MROH9: variants seen among roughly 807,000 people sequenced by gnomAD.
The protein encoded by MROH9 is maestro heat-like repeat-containing protein family member 9.
MROH9 carries 92 observed loss-of-function variants against 98.2 expected under a neutral mutation model. The ratio of observed to expected loss-of-function variants is 0.94; its 90% CI spans 0.79 to 1.11. MROH9 has a LOEUF of 1.11. Among genes scored for constraint, MROH9 ranks in the 50% most tolerant of loss-of-function variants. The pLI is 0.00. For synonymous variants in MROH9, 397 were observed against 368.9 expected (o/e 1.08, Z -0.87); for missense variants, 1,057 against 1,014.8 (o/e 1.04, Z -0.57).
intron 9 of MROH9, 30 bp from the exon 10 acceptor site, chr1:170,986,531 T>C: frequency 6.2e-7 from 1 of 1,603,948 alleles, no homozygotes; most frequent in Admixed American, 1.7e-5. Flanking sequence ...GAGTAAGGCC[T>C]GAGGTCATGA....
intron 20 of MROH9, among the ~76,000 whole-genome samples, chr1:171,050,559 G>A (rs530388772): frequency 6.6e-6 from 1 of 152,196 alleles, no homozygotes; most frequent in South Asian, 2.1e-4. Context: ...GTCATTAGGA[G>A]TCTTCTGGAG....
intron 6 of MROH9, among the ~76,000 whole-genome samples, chr1:170,964,669 A>G (rs1230264512): frequency 6.6e-6 from 1 of 152,068 alleles, no homozygotes; most frequent in Non-Finnish European, 1.5e-5. Flanking sequence ...CCGGTAATGT[A>G]CTCTCTAACC....
chr1:170,945,626 G>A (rs769910039), intron 2 of MROH9, 45 bp downstream of exon 2: 4 of 1,556,534 alleles, frequency 2.6e-6, no homozygotes, highest in South Asian at 2.3e-5. Context: ...GTATTTTTGT[G>A]TATATGTGTG....
chr1:170,988,969 T>C (rs2101805386), intron 10 of MROH9, among the ~76,000 whole-genome samples: 1 of 152,288 alleles, frequency 6.6e-6, no homozygotes. Flanking sequence ...TTGATATCTC[T>C]CATTTCTTGC....
chr1:170,965,441 C>T (rs946607999), intron 7 of MROH9, among the ~76,000 whole-genome samples, 186 bp downstream of exon 7: 5 of 152,052 alleles, frequency 3.3e-5, no homozygotes, highest in Non-Finnish European at 5.9e-5. Flanking sequence ...AACAGAGTTT[C>T]TCAAACAATT....
chr1:170,959,151 G>C (rs576732674), intron 4 of MROH9, among the ~76,000 whole-genome samples: 1 of 152,070 alleles, frequency 6.6e-6, no homozygotes, highest in Non-Finnish European at 1.5e-5. Context: ...TGAGGCGGGC[G>C]GATCATGAGG....
chr1:171,015,513 T>G (rs1255294906), intron 16 of MROH9, among the ~76,000 whole-genome samples: 1 of 151,954 alleles, frequency 6.6e-6, no homozygotes, highest in Non-Finnish European at 1.5e-5. Context: ...TATTCATTCA[T>G]TTCCTTTAGT....
chr1:170,980,410 C>G (rs1301328385), intron 8 of MROH9, among the ~76,000 whole-genome samples: 1 of 151,964 alleles, frequency 6.6e-6, no homozygotes, highest in African/African-American at 2.4e-5. Flanking sequence ...AACATTGGTG[C>G]TGGTACCAGA....
chr1:170,983,595 C>A, intron 9 of MROH9, 61 bp downstream of exon 9: 2 of 931,830 alleles, frequency 2.1e-6, no homozygotes, highest in South Asian at 1.5e-5. Flanking sequence ...CTCTTAGTAA[C>A]AATTTATTTC....
chr1:170,989,492 G>GA (rs1651269570), intron 10 of MROH9, among the ~76,000 whole-genome samples: 1 of 152,200 alleles, frequency 6.6e-6, no homozygotes, highest in South Asian at 2.1e-4. Context: ...AGTATACACT[G>GA]TAGCTCCATT....
At chr1:171,048,413 C>T (rs1343238409) in intron 20 of MROH9, among the ~76,000 whole-genome samples, 1 of 152,116 alleles carries the variant, frequency 6.6e-6, no homozygotes, top group South Asian at 2.1e-4. Flanking sequence ...AGGAGCCTCA[C>T]CTTGTAGCCA....
At chr1:171,038,186 T>C (rs952982602) in intron 20 of MROH9, among the ~76,000 whole-genome samples, 1 of 152,094 alleles carries the variant, frequency 6.6e-6, no homozygotes, top group Non-Finnish European at 1.5e-5. Flanking sequence ...GTCTAAAGAA[T>C]CTTTACTAAC....
Position 171,064,098 on chromosome 1 carries a change from G to A in MROH9, c.2345-1G>A. 6.5e-7 allele frequency: 1 copy of A among 1,534,216 alleles called. No individual in the cohort carries two copies. The highest frequency in any genetic ancestry group is 8.8e-7 in the Non-Finnish European group (1 of 1,142,702). On this transcript the variant is annotated splice_acceptor_variant, in intron 21 of 21. Transcript: ENST00000367759. LOFTEE classifies it high-confidence loss of function. ...AACTAAAGTCTCTTCTGATATTACAGTTATTGAACGACTGCTCCGAGATGA... is the reference window on the plus strand; with the variant it reads ...AACTAAAGTCTCTTCTGATATTACAATTATTGAACGACTGCTCCGAGATGA...
chr1:170,971,696 T>C, intron 7 of MROH9, 52 bp from the exon 8 acceptor site: 3 of 1,594,250 alleles, frequency 1.9e-6, no homozygotes, highest in Non-Finnish European at 2.6e-6. Flanking sequence ...TGCAGACATT[T>C]TCATATTGGC....
chr1:170,979,379 T>C (rs1410759456), intron 8 of MROH9, among the ~76,000 whole-genome samples: 1 of 152,210 alleles, frequency 6.6e-6, no homozygotes, highest in African/African-American at 2.4e-5. Flanking sequence ...AATCCATATA[T>C]ATAGTCAGTT....
intron 5 of MROH9, 44 bp downstream of exon 5, chr1:170,959,641 A>T: frequency 1.3e-6 from 2 of 1,568,928 alleles, no homozygotes; most frequent in South Asian, 1.2e-5. Context: ...GTTATTACAC[A>T]TCACAGCAAT....
chr1:170,999,012 G>C (rs1467019055), intron 15 of MROH9, among the ~76,000 whole-genome samples: 1 of 151,968 alleles, frequency 6.6e-6, no homozygotes, highest in African/African-American at 2.4e-5. Flanking sequence ...TGAACATTGT[G>C]GTAGTCATCA....
At position 171,013,617 on chromosome 1, in the gene MROH9, C is replaced by T. The variant is rs533543741; in HGVS notation, c.1597-500C>T. ...TACTGACTAAAATTAGAAACTCTGT[C>T]TCATTAGAATAGTACATAGTATAGT... On this transcript the variant is annotated intron_variant, in intron 15 of 21. Coordinates refer to ENST00000367759, the MANE Select transcript of MROH9 (RefSeq NM_001163629.2). 5.3e-4 allele frequency among the ~76,000 whole-genome samples: 80 copies of T among 152,228 alleles called. 1 individual carries two copies. In the South Asian group the frequency reaches 0.013, roughly 24 times the overall value.
In MROH9 at chr1:170,972,339, A is replaced by G. The variant is rs78197278; in HGVS notation, c.616+456A>G. ...AAGCATAAAAGCAAGACCTGAAAGTATTAAGCTATTTCCAAGTAATTTAAT... is the reference window on the plus strand; with the variant it reads ...AAGCATAAAAGCAAGACCTGAAAGTGTTAAGCTATTTCCAAGTAATTTAAT... On this transcript the variant is annotated intron_variant, in intron 8 of 21. Coordinates refer to ENST00000367759, the MANE Select transcript of MROH9 (RefSeq NM_001163629.2). 2.7e-3 allele frequency among the ~76,000 whole-genome samples: 407 copies of G among 152,338 alleles called. 1 individual carries two copies. The highest frequency in any genetic ancestry group is 9.1e-3 in the African/African-American group (377 of 41,578).
Sources: allele counts gnomAD v4.1 joint callset (sites outside exome capture counted in the v4.1 genomes callset), GRCh38; gene constraint gnomAD v4.1.1; transcripts MANE v1.5; gene names NCBI Gene and HGNC (gene_info 2026-07-23, HGNC 2026-07-21).